The following PTGIR variants were observed in gnomAD, a reference collection of about 807,000 sequenced individuals.
PTGIR encodes prostacyclin receptor.
Under a neutral mutation model 17.6 loss-of-function variants are expected in PTGIR, and 16 were observed. The ratio of observed to expected loss-of-function variants is 0.91; its 90% CI spans 0.61 to 1.38. PTGIR has a LOEUF of 1.38. Ranked by LOEUF, PTGIR falls within the 40% of genes most tolerant of loss-of-function variation. The probability of loss-of-function intolerance (pLI) is 0.00; values close to 1 mark genes in which losing one functional copy is unlikely to be tolerated. For missense variants in PTGIR, 532 were observed against 548.6 expected (o/e 0.97, Z 0.30); for synonymous variants, 274 against 255.4 (o/e 1.07, Z -0.69).
intron 2 of PTGIR, chr19:46,622,634 C>G (rs1054078863): frequency 1.3e-5 from 2 of 152,960 alleles, no homozygotes; most frequent in Admixed American, 6.5e-5. Context: ...AAGTCAGATG[C>G]AGAAAGACCC....
In PTGIR at chr19:46,621,116, C is replaced by T; in HGVS notation, c.*164G>A. 7.5e-7 allele frequency: 1 copy of T among 1,325,316 alleles called. No individual in the cohort carries two copies. Among genetic ancestry groups the T allele is most frequent in the Non-Finnish European group, 9.6e-7 (1 of 1,037,552 alleles). 82.1% of individuals were successfully genotyped at this position (1,325,316 alleles called of 1,614,324 possible). Reference sequence around the variant, plus strand: ...CGTTTCCTCTGTCCCTCACTCTCTTCCCAGAGCCAGCAGCGACTGCCCTGC... The same window carrying T: ...CGTTTCCTCTGTCCCTCACTCTCTTTCCAGAGCCAGCAGCGACTGCCCTGC... On this transcript the variant is annotated 3_prime_UTR_variant, in exon 3 of 3. Coordinates refer to ENST00000291294, the MANE Select transcript of PTGIR (RefSeq NM_000960.4). The surrounding 1 kb of genome is among the most constrained non-coding windows in gnomAD (Gnocchi z 4.8).
In PTGIR at chr19:46,621,837, A is replaced by G; in HGVS notation, c.769-165T>C. ...ACAAATGTATCTGGGGAACACAGGG[A>G]GAGAAAGCCCCAGGAAATTGCCAGA... On this transcript the variant is annotated intron_variant, in intron 2 of 2. Transcript: ENST00000291294. This position sits in a 1 kb window ranked among gnomAD's most constrained non-coding sequence, Gnocchi z 4.8. 1 of 1,394,642 alleles carries G rather than the reference A, an allele frequency of 7.2e-7. No individual in the cohort carries two copies. The highest frequency in any genetic ancestry group is 9.3e-7 in the Non-Finnish European group (1 of 1,077,222). 86.4% of individuals were successfully genotyped at this position (1,394,642 alleles called of 1,614,324 possible).
At chr19:46,619,543 AAGAAAGAGAGAGAGAG>A (rs1209191625), downstream of PTGIR, among the ~76,000 whole-genome samples, 49 of 68,700 alleles carry the variant, frequency 7.1e-4, no homozygotes, top group South Asian at 4.8e-3. Flanking sequence ...GAAAGAAAGA[AAGAAAGAGAGAGAGAG>A]AGAGAGAGAG....
At chr19:46,614,050 C>A in the PTGIR span, among the ~76,000 whole-genome samples, 1 of 152,184 alleles carries the variant, frequency 6.6e-6, no homozygotes. Context: ...TCTAATGGCC[C>A]CTGGGCAAGC....
At position 46,623,960 on chromosome 19, in the gene PTGIR, G is replaced by A; in HGVS notation, c.266C>T (p.Pro89Leu). 1 of 1,577,818 alleles carries A rather than the reference G, an allele frequency of 6.3e-7. No individual in the cohort carries two copies. The highest frequency in any genetic ancestry group is 8.6e-7 in the Non-Finnish European group (1 of 1,161,128). The change falls in exon 2 of 3, where the codon CCC becomes CTC. Residue 89 changes from proline to leucine, a missense_variant. Pro to Leu is a moderately conservative substitution (Grantham distance 98). Coordinates refer to ENST00000291294, the MANE Select transcript of PTGIR (RefSeq NM_000960.4). ...SSLLGLARGG[P>L]ALCDAFAFAM... The stretch of plus-strand genomic sequence containing the variant: ...GAAGGCGAAGGCATCGCACAGGGCG[G>A]GGCCGCCTCGGGCCAGGCCCAGCAG...
At position 46,623,841 on chromosome 19, in the gene PTGIR, G is replaced by A. The variant is rs776559107; in HGVS notation, c.385C>T (p.Gln129Ter). Reference sequence around the variant, plus strand: ...CGGGCGCAGCGGGGCCCGTCCAGCTGCGCGTAGAGGTAGGGGTGGCTCAGC... The same window carrying A: ...CGGGCGCAGCGGGGCCCGTCCAGCTACGCGTAGAGGTAGGGGTGGCTCAGC... ...LALSHPYLYA[Q>*]LDGPRCARLA... Residue 129 changes from glutamine to a stop codon, truncating the protein, a stop_gained, in exon 2 of 3, where the codon CAG becomes TAG. Transcript: ENST00000291294. LOFTEE classifies it high-confidence loss of function. 2.5e-6 allele frequency: 4 copies of A among 1,608,826 alleles called. No individual in the cohort carries two copies. In the Admixed American group the frequency reaches 6.7e-5, roughly 27 times the overall value.
chr19:46,614,892 C>G, the PTGIR span, among the ~76,000 whole-genome samples: 1 of 152,028 alleles, frequency 6.6e-6, no homozygotes, highest in Non-Finnish European at 1.5e-5. Context: ...GGTAGTGGTG[C>G]GCACCTGTAG....
At chr19:46,618,171 C>T (rs112921949), downstream of PTGIR, among the ~76,000 whole-genome samples, 24,222 of 152,006 alleles carry the variant, frequency 0.16, 2,461 homozygotes, top group Non-Finnish European at 0.23. Context: ...CCCGCCACCA[C>T]GCCCGGCTAA....
chr19:46,615,931 C>T (rs1004390647), downstream of PTGIR, among the ~76,000 whole-genome samples: 5 of 151,306 alleles, frequency 3.3e-5, no homozygotes, highest in Non-Finnish European at 5.9e-5. Flanking sequence ...CCTCCCAAGT[C>T]GCTGGGAATA....
downstream of PTGIR, among the ~76,000 whole-genome samples, chr19:46,619,602 AAGG>A (rs1327183307): frequency 2.0e-4 from 18 of 90,582 alleles, no homozygotes; most frequent in African/African-American, 6.6e-4. Context: ...AAAAGAAAGA[AAGG>A]AAAGAAAGAA....
chr19:46,613,011 C>A, the PTGIR span, among the ~76,000 whole-genome samples: 2 of 145,588 alleles, frequency 1.4e-5, no homozygotes, highest in Non-Finnish European at 3.0e-5. Context: ...TATCCACCAA[C>A]TTGGGTTGTG....
At chr19:46,613,779 G>C in the PTGIR span, among the ~76,000 whole-genome samples, 1 of 152,186 alleles carries the variant, frequency 6.6e-6, no homozygotes, top group Non-Finnish European at 1.5e-5. Context: ...AGGAGTGGAG[G>C]CCGGGCAGGT....
Position 46,623,479 on chromosome 19 carries a change from G to C in PTGIR, c.747C>G (p.Ala249=). ...ILLALMTVVM[A]VCSLPLTIRC... is the part of the protein sequence containing the mutation. The stretch of plus-strand genomic sequence containing the variant: ...TCACCGTGAGAGGCAGGGAGCACAC[G>C]GCCATGACCACTGTCATGAGGGCCA... The change falls in exon 2 of 3, where the codon GCC becomes GCG. Residue 249 remains alanine, a synonymous_variant. Transcript: ENST00000291294. 1 of 1,570,266 alleles carries C rather than the reference G, an allele frequency of 6.4e-7. No homozygotes were observed. The highest frequency in any genetic ancestry group is 1.3e-5 in the African/African-American group (1 of 74,348).
At chr19:46,620,173 C>T (rs996249252), downstream of PTGIR, among the ~76,000 whole-genome samples, 5 of 152,216 alleles carry the variant, frequency 3.3e-5, no homozygotes, top group African/African-American at 1.2e-4. Context: ...GATCTCAGCT[C>T]ACTGCAGCCT....
downstream of PTGIR, among the ~76,000 whole-genome samples, chr19:46,619,543 AAGAAAGAGAGAGAGAGAGAGAGAG>A (rs1312294604): frequency 1.5e-5 from 1 of 68,658 alleles, no homozygotes; most frequent in African/African-American, 5.6e-5. Context: ...GAAAGAAAGA[AAGAAAGAGAGAGAGAGAGAGAGAG>A]AGAGAGAGAG....
chr19:46,619,539 AAGAAAGAAAGAGAGAGAGAGAGAG>A (rs1287943494), downstream of PTGIR, among the ~76,000 whole-genome samples: 18 of 65,538 alleles, frequency 2.7e-4, no homozygotes, highest in African/African-American at 1.0e-3. Flanking sequence ...GAAAGAAAGA[AAGAAAGAAAGAGAGAGAGAGAGAG>A]AGAGAGAGAG....
At chr19:46,613,027 CTTTTTTTTTTTTTTTTTT>C in the PTGIR span, among the ~76,000 whole-genome samples, 4 of 74,174 alleles carry the variant, frequency 5.4e-5, no homozygotes, top group East Asian at 3.9e-4. Context: ...TTGTGCCAAA[CTTTTTTTTTTTTTTTTTT>C]TTTTTTTTTT....
At chr19:46,617,052 G>GA (rs1260562601), downstream of PTGIR, among the ~76,000 whole-genome samples, 7 of 152,220 alleles carry the variant, frequency 4.6e-5, no homozygotes, top group African/African-American at 1.7e-4. Context: ...ATGGAAAAGG[G>GA]AAAAAACAGT....
At chr19:46,619,387 C>T (rs778321871), downstream of PTGIR, among the ~76,000 whole-genome samples, 6 of 151,308 alleles carry the variant, frequency 4.0e-5, no homozygotes, top group African/African-American at 9.7e-5. Flanking sequence ...CCCAGCTACT[C>T]GGGAGGCTGA....
Sources: gnomAD v4.1 joint callset for allele counts (sites outside exome capture counted in the v4.1 genomes callset) on GRCh38, gnomAD v4.1.1 for gene constraint, Gnocchi (gnomAD v3.1) non-coding constraint, MANE v1.5 for transcripts, NCBI Gene and HGNC (gene_info 2026-07-23, HGNC 2026-07-21) for gene names.